The following TAS2R1 variants were observed in gnomAD, a reference collection of about 807,000 sequenced individuals.
TAS2R1 encodes taste 2 receptor member 1.
For missense variants in TAS2R1, 370 were observed against 353.4 expected (o/e 1.05, Z -0.38); for synonymous variants, 141 against 134.2 (o/e 1.05, Z -0.35).
chr5:9,666,128 A>G (rs886654931), intron 1 of TAS2R1, among the ~76,000 whole-genome samples: 2 of 152,140 alleles, frequency 1.3e-5, no homozygotes, highest in Non-Finnish European at 2.9e-5. Context: ...TTAGTGGAAA[A>G]ATAATTATAA....
At chr5:9,846,369 A>G in the TAS2R1 span, among the ~76,000 whole-genome samples, 1 of 152,200 alleles carries the variant, frequency 6.6e-6, no homozygotes, top group African/African-American at 2.4e-5. Flanking sequence ...GTCTCCTCAT[A>G]GTCTGGGACA....
upstream of TAS2R1, among the ~76,000 whole-genome samples, chr5:9,633,151 G>A (rs927118033): frequency 6.6e-6 from 1 of 151,036 alleles, no homozygotes; most frequent in Non-Finnish European, 1.5e-5. Flanking sequence ...AAAGCTCTTA[G>A]GTAACTACTC....
At chr5:9,653,354 T>G (rs987306463) in intron 2 of TAS2R1, among the ~76,000 whole-genome samples, 1 of 152,250 alleles carries the variant, frequency 6.6e-6, no homozygotes, top group African/African-American at 2.4e-5. Context: ...TTCCTTCCTT[T>G]TTAAGGCTCA....
intron 1 of TAS2R1, among the ~76,000 whole-genome samples, chr5:9,706,317 G>T (rs1339157460): frequency 6.6e-6 from 1 of 152,168 alleles, no homozygotes; most frequent in African/African-American, 2.4e-5. Context: ...AGGGGAACTG[G>T]CCTGGCCTGC....
chr5:9,880,946 G>C, the TAS2R1 span, among the ~76,000 whole-genome samples: 3 of 152,112 alleles, frequency 2.0e-5, no homozygotes, highest in Non-Finnish European at 2.9e-5. Flanking sequence ...CTCCAGCCAG[G>C]GGTTTAGGGA....
chr5:9,655,577 G>A (rs1451541979), intron 2 of TAS2R1, among the ~76,000 whole-genome samples: 1 of 151,976 alleles, frequency 6.6e-6, no homozygotes, highest in African/African-American at 2.4e-5. Context: ...AAATATATAA[G>A]CCCCAAACAA....
At chr5:9,790,421 G>A in the TAS2R1 span, among the ~76,000 whole-genome samples, 8 of 152,056 alleles carry the variant, frequency 5.3e-5, no homozygotes, top group Non-Finnish European at 1.2e-4. Context: ...AAGCCACATC[G>A]GTGTAGCAAC....
the TAS2R1 span, among the ~76,000 whole-genome samples, chr5:9,725,130 A>AGGTGACAGCGTGCTGGCAGT: frequency 6.6e-6 from 1 of 152,208 alleles, no homozygotes; most frequent in East Asian, 1.9e-4. Flanking sequence ...TCCTAGTGAG[A>AGGTGACAGCGTGCTGGCAGT]GGTGACAGCG....
intron 2 of TAS2R1, among the ~76,000 whole-genome samples, chr5:9,647,605 T>C (rs1484592099): frequency 6.6e-6 from 1 of 152,184 alleles, no homozygotes; most frequent in Non-Finnish European, 1.5e-5. Context: ...ATTGGTCCAA[T>C]ATATTTTAAA....
At chr5:9,718,097 C>T in the TAS2R1 span, among the ~76,000 whole-genome samples, 1 of 151,890 alleles carries the variant, frequency 6.6e-6, no homozygotes, top group Non-Finnish European at 1.5e-5. Flanking sequence ...GTAGCTGGGA[C>T]CACAGGCACA....
chr5:9,807,075 C>T, the TAS2R1 span, among the ~76,000 whole-genome samples: 1 of 151,904 alleles, frequency 6.6e-6, no homozygotes, highest in Admixed American at 6.6e-5. Context: ...ACAATCCCAT[C>T]CAAAAGTGGG....
chr5:9,781,082 T>A, the TAS2R1 span, among the ~76,000 whole-genome samples: 74 of 152,344 alleles, frequency 4.9e-4, no homozygotes, highest in Middle Eastern at 3.4e-3. Context: ...CTAGCCAAGT[T>A]GACACATAAA....
At chr5:9,859,894 TA>T in the TAS2R1 span, among the ~76,000 whole-genome samples, 1 of 152,202 alleles carries the variant, frequency 6.6e-6, no homozygotes, top group Non-Finnish European at 1.5e-5. Context: ...AGTAAGTGAA[TA>T]AAAATAGACT....
chr5:9,836,172 T>G, the TAS2R1 span, among the ~76,000 whole-genome samples: 1 of 151,938 alleles, frequency 6.6e-6, no homozygotes, highest in African/African-American at 2.4e-5. Context: ...AGACGTGCCT[T>G]TTACCTTCTG....
chr5:9,746,841 G>A, the TAS2R1 span, among the ~76,000 whole-genome samples: 34 of 152,078 alleles, frequency 2.2e-4, no homozygotes, highest in Non-Finnish European at 4.0e-4. Context: ...CTAGATGATG[G>A]GTTGATAGGT....
chr5:9,786,533 G>A, the TAS2R1 span, among the ~76,000 whole-genome samples: 1 of 152,152 alleles, frequency 6.6e-6, no homozygotes, highest in South Asian at 2.1e-4. Context: ...GGTTCTCAAC[G>A]TGGGCTGAGT....
the TAS2R1 span, among the ~76,000 whole-genome samples, chr5:9,764,490 T>C: frequency 6.6e-6 from 1 of 152,218 alleles, no homozygotes; most frequent in South Asian, 2.1e-4. Context: ...AAATTCACAT[T>C]TTCAGCAAAC....
intron 1 of TAS2R1, among the ~76,000 whole-genome samples, chr5:9,711,484 T>A (rs1734658936): frequency 6.6e-6 from 1 of 151,584 alleles, no homozygotes; most frequent in Non-Finnish European, 1.5e-5. Flanking sequence ...AAGCACAGAG[T>A]AGAATGGTGG....
the TAS2R1 span, among the ~76,000 whole-genome samples, chr5:9,824,113 C>A: frequency 1.3e-5 from 2 of 152,188 alleles, no homozygotes; most frequent in Non-Finnish European, 2.9e-5. Context: ...ATGGCACCAG[C>A]TTTGGAGTGG....
Sources: gnomAD v4.1 joint callset for allele counts (sites outside exome capture counted in the v4.1 genomes callset) on GRCh38, gnomAD v4.1.1 for gene constraint, MANE v1.5 for transcripts, NCBI Gene and HGNC (gene_info 2026-07-23, HGNC 2026-07-21) for gene names.